Variants in MYT1L observed in about 807,000 individuals in gnomAD.
The protein encoded by MYT1L is myelin transcription factor 1-like protein.
A neutral mutation model predicts 126.7 loss-of-function variants in MYT1L; 12 were observed. The observed-to-expected ratio is 0.09, with a 90% CI of 0.06 to 0.15. The LOEUF (loss-of-function observed/expected upper bound fraction) is 0.15. Ranked by LOEUF, MYT1L falls within the 10% of genes least tolerant of loss-of-function variation. The pLI is 1.00. For missense variants in MYT1L, 979 were observed against 1,585.2 expected, an observed-to-expected ratio of 0.62 and a Z score of 6.49; for synonymous variants, 541 against 604.2, an observed-to-expected ratio of 0.90 and a Z score of 1.53.
At chr2:2,156,910 C>G (rs577404467) in intron 3 of MYT1L, among the ~76,000 whole-genome samples, 2 of 152,272 alleles carry the variant, frequency 1.3e-5, no homozygotes, top group South Asian at 2.1e-4. Context: ...TTTAATGGGA[C>G]CTTGTCAAGG....
chr2:2,166,436 C>G (rs2089129039), intron 3 of MYT1L, among the ~76,000 whole-genome samples: 1 of 152,204 alleles, frequency 6.6e-6, no homozygotes, highest in African/African-American at 2.4e-5. Context: ...ACATGCATAA[C>G]TGTGTATTAT....
chr2:1,823,685 C>T (rs539601825), intron 21 of MYT1L, among the ~76,000 whole-genome samples: 15 of 152,154 alleles, frequency 9.9e-5, no homozygotes, highest in African/African-American at 2.6e-4. Context: ...TAGGAAGACC[C>T]GTGGCTGGCC....
At position 1,979,863 on chromosome 2, in the gene MYT1L, T is replaced by G; in HGVS notation, c.1-86A>C. ...GGGCGGCTCACTCTCCCTGGCATTC[T>G]ATTAATGGGGCTTTAATCCTGTTTC... On this transcript the variant is annotated intron_variant, in intron 5 of 24. Coordinates refer to ENST00000647738, the MANE Select transcript of MYT1L (RefSeq NM_001303052.2). The surrounding 1 kb of genome is among the most constrained non-coding windows in gnomAD (Gnocchi z 4.0). 1.5e-6 allele frequency: 2 copies of G among 1,350,806 alleles called. No homozygotes were observed. Among genetic ancestry groups the G allele is most frequent in the South Asian group, 2.4e-5 (2 of 83,286 alleles). The allele number at this position is 1,350,806 out of a possible 1,614,324, so 83.7% of individuals were successfully genotyped here. A position where few individuals can be genotyped will look rare whatever the true frequency, so the allele number is the denominator to read the frequency against.
At chr2:2,058,200 T>A (rs149669888) in intron 3 of MYT1L, among the ~76,000 whole-genome samples, 1 of 152,254 alleles carries the variant, frequency 6.6e-6, no homozygotes, top group African/African-American at 2.4e-5. Flanking sequence ...GAATTAAATA[T>A]CTTTTCATGT....
chr2:2,188,914 G>T (rs1465042887), intron 2 of MYT1L, among the ~76,000 whole-genome samples: 2 of 152,074 alleles, frequency 1.3e-5, no homozygotes, highest in Non-Finnish European at 2.9e-5. Context: ...TAGGATAGAT[G>T]GTTGCTGAAG....
intron 8 of MYT1L, among the ~76,000 whole-genome samples, chr2:1,949,792 G>A (rs867553727): frequency 1.3e-5 from 2 of 152,240 alleles, no homozygotes; most frequent in African/African-American, 4.8e-5. Context: ...CAGAGAGCGG[G>A]GCTCGGAACG....
At chr2:1,835,456 G>A (rs903558609) in intron 21 of MYT1L, among the ~76,000 whole-genome samples, 1 of 152,204 alleles carries the variant, frequency 6.6e-6, no homozygotes. Context: ...TTGCACCACT[G>A]TAAGATCGAA....
chr2:1,994,518 G>A (rs1340510909), intron 5 of MYT1L, among the ~76,000 whole-genome samples: 1 of 152,224 alleles, frequency 6.6e-6, no homozygotes, highest in Non-Finnish European at 1.5e-5. Context: ...ATGCTCAGAG[G>A]TGTCGGCTCC....
chr2:2,023,657 A>C (rs1190142026), intron 4 of MYT1L, among the ~76,000 whole-genome samples: 1 of 151,814 alleles, frequency 6.6e-6, no homozygotes, highest in African/African-American at 2.4e-5. Context: ...AGAGGACTGA[A>C]TAGTTGGATG....
At chr2:2,040,815 CATTT>C (rs2067444598) in intron 4 of MYT1L, among the ~76,000 whole-genome samples, 1 of 152,054 alleles carries the variant, frequency 6.6e-6, no homozygotes, top group Non-Finnish European at 1.5e-5. Flanking sequence ...TTTAAAATTT[CATTT>C]ATTATTATAT....
At chr2:2,233,704 G>A (rs991299461) in intron 2 of MYT1L, among the ~76,000 whole-genome samples, 6 of 152,210 alleles carry the variant, frequency 3.9e-5, no homozygotes. Flanking sequence ...GACAGGAAAT[G>A]AACCCAAGGT....
intron 8 of MYT1L, among the ~76,000 whole-genome samples, chr2:1,961,211 T>C (rs1218374952): frequency 6.6e-6 from 1 of 152,186 alleles, no homozygotes; most frequent in Non-Finnish European, 1.5e-5. Context: ...ACAGGTACAA[T>C]GTACAGTACG....
chr2:2,259,409 T>TAA (rs71402142), intron 2 of MYT1L, among the ~76,000 whole-genome samples: 4,421 of 143,694 alleles, frequency 0.031, 126 homozygotes, highest in South Asian at 0.056. Flanking sequence ...AAAAAAACAT[T>TAA]AAAAAAAAAA....
rs190929768 is a variant in MYT1L at position 2,219,259 on chromosome 2, G to A, written c.-420-46271C>T. 2.4e-4 allele frequency among the ~76,000 whole-genome samples: 36 copies of A among 152,238 alleles called. No homozygotes were observed. The South Asian group carries it at 5.4e-3, about 23-fold the overall frequency. ...TTAGTCAACGGCTAATCCTACAGCC[G>A]CTTAGTGTAGGGCCCAGGATATGGG... On this transcript the variant is annotated intron_variant, in intron 2 of 24. Coordinates refer to ENST00000647738, the MANE Select transcript of MYT1L (RefSeq NM_001303052.2).
chr2:1,851,506 G>A (rs2043257545), intron 19 of MYT1L, 135 bp downstream of exon 19: 3 of 798,708 alleles, frequency 3.8e-6, no homozygotes, highest in Non-Finnish European at 6.3e-6. Flanking sequence ...CTGCTTTATG[G>A]CGCTAAGAGT....
Position 2,059,013 on chromosome 2 carries a change from G to A in MYT1L, c.-303-4890C>T, listed in dbSNP as rs532065700. Among the ~76,000 whole-genome samples the A allele has an allele frequency of 3.3e-5, 5 of 152,346 alleles. No homozygotes were observed. The South Asian group carries it at 1.0e-3, about 32-fold the overall frequency. ...GAATATGAATTGAAACCATACCTAA[G>A]TGTGACTGCAGTTTATATAAACTCA... On this transcript the variant is annotated intron_variant, in intron 3 of 24. Transcript: ENST00000647738. The surrounding 1 kb of genome is among the most constrained non-coding windows in gnomAD (Gnocchi z 4.7).
At chr2:1,884,942 C>A (rs1181532035) in intron 18 of MYT1L, among the ~76,000 whole-genome samples, 2 of 152,212 alleles carry the variant, frequency 1.3e-5, no homozygotes, top group African/African-American at 4.8e-5. Context: ...GGAGAAACAG[C>A]AAGTTGGCTC....
intron 9 of MYT1L, among the ~76,000 whole-genome samples, chr2:1,933,193 C>T (rs1482472021): frequency 1.3e-5 from 2 of 152,002 alleles, no homozygotes; most frequent in East Asian, 1.9e-4. Context: ...TCCACAGCCC[C>T]CACCGAGATG....
chr2:1,805,284 C>T (rs559445026), intron 22 of MYT1L, among the ~76,000 whole-genome samples: 42 of 152,306 alleles, frequency 2.8e-4, no homozygotes, highest in African/African-American at 8.9e-4. Flanking sequence ...CAAGAGAAAG[C>T]GCTAAAATCC....
Sources: gnomAD v4.1 joint callset for allele counts (sites outside exome capture counted in the v4.1 genomes callset) on GRCh38, gnomAD v4.1.1 for gene constraint, Gnocchi (gnomAD v3.1) non-coding constraint, MANE v1.5 for transcripts, NCBI Gene and HGNC (gene_info 2026-07-23, HGNC 2026-07-21) for gene names.